CSMD1: variants seen among roughly 807,000 people sequenced by gnomAD.
CSMD1 encodes the protein CUB and Sushi multiple domains 1, also known as CUB and sushi domain-containing protein 1.
A neutral mutation model predicts 417.5 loss-of-function variants in CSMD1; 213 were observed. The ratio of observed to expected loss-of-function variants is 0.51; its 90% confidence interval spans 0.46 to 0.57. CSMD1 has a LOEUF of 0.57. CSMD1 is among the 20% of genes least tolerant of loss of function. CSMD1 has a pLI of 0.00. For synonymous variants in CSMD1, 2,862 were observed against 1,736.8 expected (o/e 1.65, Z -16.11); for missense variants, 6,923 against 4,529.7 (o/e 1.53, Z -15.17).
intron 3 of CSMD1, among the ~76,000 whole-genome samples, chr8:4,130,547 T>C (rs1205829455): frequency 6.6e-6 from 1 of 152,310 alleles, no homozygotes; most frequent in Non-Finnish European, 1.5e-5. Context: ...TCTTTCCTGG[T>C]TCTTTTAAAT....
At chr8:4,196,467 C>A (rs563775087) in intron 3 of CSMD1, among the ~76,000 whole-genome samples, 3 of 152,232 alleles carry the variant, frequency 2.0e-5, no homozygotes, top group South Asian at 2.1e-4. Flanking sequence ...CTGTCCAATG[C>A]CGATTCAGGT....
chr8:4,991,816 G>T (rs528668072), intron 1 of CSMD1, among the ~76,000 whole-genome samples: 1 of 152,210 alleles, frequency 6.6e-6, no homozygotes, highest in Non-Finnish European at 1.5e-5. Context: ...CTTCCTGCCT[G>T]CAGCCCCTTC....
chr8:4,407,205 A>T (rs1805090738), intron 3 of CSMD1, among the ~76,000 whole-genome samples: 1 of 152,152 alleles, frequency 6.6e-6, no homozygotes, highest in Admixed American at 6.6e-5. Flanking sequence ...TAGAGTGATC[A>T]CCCCTGAATT....
intron 5 of CSMD1, among the ~76,000 whole-genome samples, chr8:3,860,762 G>C (rs887498650): frequency 5.9e-5 from 9 of 152,150 alleles, no homozygotes; most frequent in African/African-American, 2.2e-4. Flanking sequence ...TAAGTTTGAA[G>C]GGAGAGAGTA....
At chr8:4,259,691 T>G (rs1040547124) in intron 3 of CSMD1, among the ~76,000 whole-genome samples, 1 of 152,168 alleles carries the variant, frequency 6.6e-6, no homozygotes, top group Admixed American at 6.5e-5. Context: ...AAATTTCTAT[T>G]CATCATGTAC....
At chr8:3,431,412 C>A (rs1316533480) in intron 12 of CSMD1, among the ~76,000 whole-genome samples, 1 of 152,118 alleles carries the variant, frequency 6.6e-6, no homozygotes, top group African/African-American at 2.4e-5. Context: ...CTTTTGTATT[C>A]CCAGTTTGTC....
At chr8:4,049,098 C>T (rs958253204) in intron 3 of CSMD1, among the ~76,000 whole-genome samples, 1 of 152,062 alleles carries the variant, frequency 6.6e-6, no homozygotes, top group African/African-American at 2.4e-5. Context: ...TTTTTCTATC[C>T]TGCTCTCTCC....
chr8:4,915,079 T>C (rs1383150780), intron 1 of CSMD1, among the ~76,000 whole-genome samples: 1 of 152,192 alleles, frequency 6.6e-6, no homozygotes, highest in Non-Finnish European at 1.5e-5. Flanking sequence ...ACTCGGTTTC[T>C]CAGATGTAAT....
At chr8:4,573,306 A>G (rs2130664777) in intron 2 of CSMD1, among the ~76,000 whole-genome samples, 1 of 152,144 alleles carries the variant, frequency 6.6e-6, no homozygotes, top group African/African-American at 2.4e-5. Context: ...GGATTTTCGC[A>G]TGGGCATCCT....
intron 40 of CSMD1, 34 bp from the exon 41 acceptor site, chr8:3,142,708 A>C (rs375274684): frequency 8.0e-6 from 12 of 1,506,658 alleles, no homozygotes; most frequent in Middle Eastern, 1.8e-4. Context: ...ATGAAAGTTC[A>C]TATCAAAATG....
At chr8:3,961,609 A>G (rs946487680) in intron 5 of CSMD1, among the ~76,000 whole-genome samples, 2 of 152,236 alleles carry the variant, frequency 1.3e-5, no homozygotes, top group African/African-American at 4.8e-5. Flanking sequence ...TTACTCAGGC[A>G]CCATTTGTAA....
rs558881399 is a variant in CSMD1 at position 4,439,547 on chromosome 8, G to T, written c.303-19482C>A. On this transcript the variant is annotated intron_variant, in intron 2 of 69. Coordinates refer to ENST00000635120, the MANE Select transcript of CSMD1 (RefSeq NM_033225.6). Reference sequence around the variant, plus strand: ...ATACATTTGAAAATGTATATTTGAAGTATGAGTTTACTATCTGCTGAAAAT... The same window carrying T: ...ATACATTTGAAAATGTATATTTGAATTATGAGTTTACTATCTGCTGAAAAT... Among the ~76,000 whole-genome samples the T allele has an allele frequency of 2.6e-5, 4 of 152,166 alleles. No individual in the cohort carries two copies. The East Asian group carries it at 5.8e-4, about 22-fold the overall frequency.
chr8:3,332,109 AGAT>A (rs1357372333), intron 23 of CSMD1, among the ~76,000 whole-genome samples: 1 of 152,258 alleles, frequency 6.6e-6, no homozygotes, highest in African/African-American at 2.4e-5. Context: ...ACGTAGGGAT[AGAT>A]GATAGATGAT....
Position 3,896,554 on chromosome 8 carries a change from C to G in CSMD1, c.818+101349G>C, listed in dbSNP as rs191352424. Among the ~76,000 whole-genome samples the G allele has an allele frequency of 1.6e-3, 243 of 152,002 alleles. 2 individuals carry two copies. The highest frequency in any genetic ancestry group is 5.5e-3 in the African/African-American group (228 of 41,440). On this transcript the variant is annotated intron_variant, in intron 5 of 69. Coordinates refer to ENST00000635120, the MANE Select transcript of CSMD1 (RefSeq NM_033225.6). ...TGAGACAGAGTCTCGCTCTGTCACC[C>G]AGGCTGGAGTGCAGTGGCGTGATCT...
chr8:3,845,723 T>C (rs1803460921), intron 5 of CSMD1, among the ~76,000 whole-genome samples: 1 of 152,204 alleles, frequency 6.6e-6, no homozygotes, highest in African/African-American at 2.4e-5. Flanking sequence ...TTTTGATTTT[T>C]CATCTTTTTT....
chr8:4,123,443 T>C (rs1279442637), intron 3 of CSMD1, among the ~76,000 whole-genome samples: 1 of 152,236 alleles, frequency 6.6e-6, no homozygotes. Context: ...ATTTGGCCTT[T>C]AATGTTTAAA....
intron 2 of CSMD1, among the ~76,000 whole-genome samples, chr8:4,458,842 C>G (rs1485019787): frequency 6.6e-6 from 1 of 152,136 alleles, no homozygotes; most frequent in Non-Finnish European, 1.5e-5. Flanking sequence ...ACTTTCAGAA[C>G]TGAGGCAAGC....
intron 57 of CSMD1, 103 bp downstream of exon 57, chr8:2,973,014 T>C (rs1220229177): frequency 2.7e-6 from 3 of 1,092,624 alleles, no homozygotes; most frequent in African/African-American, 1.6e-5. Flanking sequence ...ATTGTATAAA[T>C]AGTACAAACC....
intron 1 of CSMD1, among the ~76,000 whole-genome samples, chr8:4,914,286 G>A (rs113684553): frequency 1.3e-5 from 2 of 152,200 alleles, no homozygotes; most frequent in African/African-American, 2.4e-5. Context: ...TTTAAAAATT[G>A]GAAGATAGGG....
Sources: gnomAD v4.1 joint callset for allele counts (sites outside exome capture counted in the v4.1 genomes callset) on GRCh38, gnomAD v4.1.1 for gene constraint, MANE v1.5 for transcripts, NCBI Gene and HGNC (gene_info 2026-07-23, HGNC 2026-07-21) for gene names.